CCDC171: variants seen among roughly 807,000 people sequenced by gnomAD.
The protein encoded by CCDC171 is coiled-coil domain containing 171.
In CCDC171, 177 loss-of-function variants were observed where a neutral mutation model predicts 168.2. The ratio of observed to expected loss-of-function variants is 1.05; its 90% CI spans 0.93 to 1.19. CCDC171 has a LOEUF of 1.19. Ranked by LOEUF, CCDC171 falls within the 50% of genes most tolerant of loss-of-function variation. CCDC171 has a pLI of 0.00. For missense variants in CCDC171, 1,991 were observed against 1,539.0 expected, an observed-to-expected ratio of 1.29 and a Z score of -4.91; for synonymous variants, 687 against 540.8, an observed-to-expected ratio of 1.27 and a Z score of -3.75.
chr9:15,933,670 T>A (rs1180807895), intron 25 of CCDC171, among the ~76,000 whole-genome samples: 3 of 151,986 alleles, frequency 2.0e-5, no homozygotes, highest in African/African-American at 7.2e-5. Context: ...TCTCATAGAT[T>A]TTGGTACGAT....
intron 16 of CCDC171, among the ~76,000 whole-genome samples, chr9:15,742,658 A>G (rs560465551): frequency 1.3e-5 from 2 of 152,344 alleles, no homozygotes; most frequent in African/African-American, 2.4e-5. Flanking sequence ...ACATAGTCCC[A>G]TTGATAGAAT....
intron 3 of CCDC171, among the ~76,000 whole-genome samples, chr9:15,997,371 A>G (rs925963052): frequency 2.6e-5 from 4 of 152,202 alleles, no homozygotes; most frequent in Non-Finnish European, 4.4e-5. Flanking sequence ...CAGCTCCTAC[A>G]CTTTGTAGAT....
chr9:15,631,791 A>T (rs1463041197), intron 7 of CCDC171, among the ~76,000 whole-genome samples: 1 of 152,216 alleles, frequency 6.6e-6, no homozygotes, highest in Non-Finnish European at 1.5e-5. Context: ...GGCAAACTGA[A>T]TCCAGCAGCA....
chr9:15,790,501 T>C (rs2058200067), intron 21 of CCDC171, among the ~76,000 whole-genome samples: 1 of 152,208 alleles, frequency 6.6e-6, no homozygotes, highest in Non-Finnish European at 1.5e-5. Context: ...TATTAGCCCT[T>C]TGTCAGATGA....
rs35393690 is a variant in CCDC171, at chr9:15,604,544, T to C, written c.675+10372T>C. Among the ~76,000 whole-genome samples the C allele has an allele frequency of 5.7e-3, 868 of 152,326 alleles. 5 individuals are homozygous for C. The highest frequency in any genetic ancestry group is 8.8e-3 in the Non-Finnish European group (599 of 68,024). On this transcript the variant is annotated intron_variant, in intron 6 of 25. Transcript: ENST00000380701. ...AGTTATCCTTTCCTTATTCATCGAC[T>C]AAATTTGGTGTATGTGTCTAGTGAT...
chr9:15,963,097 C>G (rs915055356), intron 25 of CCDC171, among the ~76,000 whole-genome samples: 1 of 151,958 alleles, frequency 6.6e-6, no homozygotes, highest in African/African-American at 2.4e-5. Flanking sequence ...TGTTTAGCAC[C>G]ACATGTTCTC....
chr9:15,972,047 T>C lies in CCDC171; in HGVS notation c.*211T>C, dbSNP rs1162874419. 2.0e-6 allele frequency: 1 copy of C among 512,598 alleles called. No homozygotes were observed. Among genetic ancestry groups the C allele is most frequent in the African/African-American group, 1.9e-5 (1 of 51,516 alleles). The allele number at this position is 512,598 out of a possible 1,614,324, so 31.8% of individuals were successfully genotyped here. A position where few individuals can be genotyped will look rare whatever the true frequency, so the allele number is the denominator to read the frequency against. On this transcript the variant is annotated 3_prime_UTR_variant, in exon 26 of 26. Transcript: ENST00000380701. ...CTCCAAGTTTTATTTGTTATCACAG[T>C]TGCTCATTTTTATGTAACATATTTT...
chr9:15,963,013 G>A (rs985277270), intron 25 of CCDC171, among the ~76,000 whole-genome samples: 6 of 151,694 alleles, frequency 4.0e-5, no homozygotes, highest in Non-Finnish European at 8.8e-5. Context: ...TAAAATAGTT[G>A]TATTATATGG....
rs149289743 is a variant in CCDC171 at position 15,805,332 on chromosome 9, G to A, written c.3267+20638G>A. On this transcript the variant is annotated intron_variant, in intron 21 of 25. Coordinates refer to ENST00000380701, the MANE Select transcript of CCDC171 (RefSeq NM_173550.4). ...GTTCTCAAGTCCTTTTAGTTGTGAT[G>A]TTAGGTTGTTGACTCGAGACCTTTG... Among the ~76,000 whole-genome samples the A allele has an allele frequency of 4.6e-3, 707 of 152,206 alleles. 3 individuals are homozygous for A. The Middle Eastern group carries it at 0.048, about 10-fold the overall frequency.
intron 16 of CCDC171, 51 bp from the exon 17 acceptor site, chr9:15,744,221 TA>T: frequency 1.4e-6 from 2 of 1,415,856 alleles, no homozygotes; most frequent in Non-Finnish European, 1.9e-6. Flanking sequence ...GGGAAATTAA[TA>T]TAATGCCTGT....
intron 3 of CCDC171, among the ~76,000 whole-genome samples, chr9:16,009,308 T>G (rs1832794098): frequency 6.6e-6 from 1 of 152,172 alleles, no homozygotes; most frequent in African/African-American, 2.4e-5. Flanking sequence ...TACTCACCTT[T>G]CCATCTGCAT....
chr9:15,713,947 G>GA (rs1224615894), intron 11 of CCDC171, among the ~76,000 whole-genome samples: 1 of 151,728 alleles, frequency 6.6e-6, no homozygotes, highest in African/African-American at 2.4e-5. Context: ...CCTGCTAGAT[G>GA]AAAAAAACTG....
At chr9:15,566,945 A>G (rs887643701) in intron 2 of CCDC171, among the ~76,000 whole-genome samples, 1 of 151,898 alleles carries the variant, frequency 6.6e-6, no homozygotes, top group Non-Finnish European at 1.5e-5. Context: ...AATTGCCTTG[A>G]TACTTCTGTT....
At chr9:15,795,718 A>T (rs1337313220) in intron 21 of CCDC171, among the ~76,000 whole-genome samples, 3 of 152,234 alleles carry the variant, frequency 2.0e-5, no homozygotes, top group African/African-American at 7.2e-5. Context: ...CCCTACTATG[A>T]AATGTGGATG....
chr9:15,848,035 T>C (rs1236868400), intron 22 of CCDC171, among the ~76,000 whole-genome samples: 1 of 152,018 alleles, frequency 6.6e-6, no homozygotes, highest in Non-Finnish European at 1.5e-5. Context: ...TCATGTCAAA[T>C]GAGAGGCTTA....
At chr9:15,954,982 C>A (rs1230577069) in intron 25 of CCDC171, among the ~76,000 whole-genome samples, 2 of 151,968 alleles carry the variant, frequency 1.3e-5, no homozygotes, top group South Asian at 4.2e-4. Flanking sequence ...CCATAGTTTC[C>A]TGTTTCTCTG....
chr9:15,557,477 C>T (rs555380313), intron 1 of CCDC171, among the ~76,000 whole-genome samples: 1 of 152,042 alleles, frequency 6.6e-6, no homozygotes, highest in South Asian at 2.1e-4. Flanking sequence ...AGTTGGATTC[C>T]TAGGTATTTT....
chr9:15,614,527 T>A (rs1257504170), intron 6 of CCDC171, among the ~76,000 whole-genome samples: 2 of 152,202 alleles, frequency 1.3e-5, no homozygotes, highest in South Asian at 4.1e-4. Context: ...GAAATTAGAT[T>A]CAGATAATTT....
intron 21 of CCDC171, among the ~76,000 whole-genome samples, chr9:15,843,767 C>T (rs528114177): frequency 1.2e-4 from 19 of 152,208 alleles, no homozygotes; most frequent in Admixed American, 6.6e-4. Context: ...GCTTAAAGGC[C>T]TCAAGGCCTA....
Sources: allele counts gnomAD v4.1 joint callset (sites outside exome capture counted in the v4.1 genomes callset), GRCh38; gene constraint gnomAD v4.1.1; transcripts MANE v1.5; gene names NCBI Gene and HGNC (gene_info 2026-07-23, HGNC 2026-07-21).